Variants in TET1 observed in about 807,000 individuals in gnomAD.
TET1 encodes the protein tet methylcytosine dioxygenase 1.
A neutral mutation model predicts 148.7 loss-of-function variants in TET1; 13 were observed. The ratio of observed to expected loss-of-function variants is 0.09; its 90% CI spans 0.06 to 0.14. The LOEUF (loss-of-function observed/expected upper bound fraction) is 0.14. TET1 is among the 10% of genes least tolerant of loss of function. The pLI is 1.00. For synonymous variants in TET1, 907 were observed against 937.2 expected (o/e 0.97, Z 0.59); for missense variants, 2,182 against 2,553.8 (o/e 0.85, Z 3.14).
At chr10:68,588,837 G>C (rs1806240206) in intron 2 of TET1, among the ~76,000 whole-genome samples, 1 of 143,610 alleles carries the variant, frequency 7.0e-6, no homozygotes, top group African/African-American at 2.6e-5. Context: ...AAAAAAAAAT[G>C]TTGGCTGGGT....
At chr10:68,652,690 A>G in intron 6 of TET1, 96 bp downstream of exon 6, 1 of 843,862 alleles carries the variant, frequency 1.2e-6, no homozygotes, top group Non-Finnish European at 1.8e-6. Flanking sequence ...TATTTTATTT[A>G]TTCATTTATT....
chr10:68,647,148 C>A, intron 4 of TET1, 143 bp downstream of exon 4: 2 of 940,244 alleles, frequency 2.1e-6, no homozygotes, highest in Non-Finnish European at 1.5e-6. Flanking sequence ...AAATCTATAA[C>A]CATTTTTCTG....
chr10:68,581,097 G>A (rs1031050689), intron 2 of TET1, among the ~76,000 whole-genome samples: 9 of 152,008 alleles, frequency 5.9e-5, no homozygotes, highest in Non-Finnish European at 1.3e-4. Flanking sequence ...CTAACTCCTC[G>A]GATAAGTGAA....
At chr10:68,588,509 T>A (rs1335788856) in intron 2 of TET1, among the ~76,000 whole-genome samples, 1 of 152,122 alleles carries the variant, frequency 6.6e-6, no homozygotes, top group Non-Finnish European at 1.5e-5. Flanking sequence ...ATCTCTGAGC[T>A]AAGGCAATGA....
Position 68,645,511 on chromosome 10 carries a change from A to G in TET1, c.2782A>G (p.Asn928Asp). The stretch of plus-strand genomic sequence containing the variant: ...AGAGCAGAGAACAGCCAGTTTGCTT[A>G]ATAGCTGCAAAGCTATCCTCTACAC... Reference protein sequence around the residue: ...ESEQRTASLLNSCKAILYTVR... With the variant: ...ESEQRTASLLDSCKAILYTVR... The change falls in exon 4 of 12, where the codon AAT (asparagine) becomes GAT (aspartate). Residue 928 changes from asparagine to aspartate, a missense_variant. Physicochemically the swap from Asn to Asp is conservative, Grantham distance 23. Coordinates refer to ENST00000373644, the MANE Select transcript of TET1 (RefSeq NM_030625.3). 6.2e-7 allele frequency: 1 copy of G among 1,614,114 alleles called. No individual in the cohort carries two copies. Among genetic ancestry groups the G allele is most frequent in the Non-Finnish European group, 8.5e-7 (1 of 1,180,050 alleles).
At chr10:68,649,268 T>C (rs2054895571) in intron 4 of TET1, among the ~76,000 whole-genome samples, 1 of 152,198 alleles carries the variant, frequency 6.6e-6, no homozygotes, top group South Asian at 2.1e-4. Flanking sequence ...GAACCTATCC[T>C]TATAACGAAC....
At chr10:68,652,080 G>A in intron 5 of TET1, 144 bp downstream of exon 5, 2 of 739,682 alleles carry the variant, frequency 2.7e-6, no homozygotes, top group Non-Finnish European at 4.3e-6. Flanking sequence ...ACAAAAGAGG[G>A]GTGTCCTCGT....
At chr10:68,566,494 T>A (rs2053608926) in intron 1 of TET1, among the ~76,000 whole-genome samples, 1 of 152,124 alleles carries the variant, frequency 6.6e-6, no homozygotes, top group Non-Finnish European at 1.5e-5. Context: ...AAACTTTTTT[T>A]TTTTTTTGGA....
chr10:68,628,041 A>G (rs1639708944), intron 3 of TET1, among the ~76,000 whole-genome samples: 1 of 152,002 alleles, frequency 6.6e-6, no homozygotes, highest in African/African-American at 2.4e-5. Flanking sequence ...TCTGTTGCTC[A>G]GGCTGGAGTG....
At chr10:68,625,114 T>G (rs2054459163) in intron 3 of TET1, among the ~76,000 whole-genome samples, 1 of 152,188 alleles carries the variant, frequency 6.6e-6, no homozygotes, top group African/African-American at 2.4e-5. Flanking sequence ...TGGTCTCATT[T>G]ATTATTGGCC....
intron 3 of TET1, among the ~76,000 whole-genome samples, chr10:68,640,766 T>C (rs992586049): frequency 6.6e-6 from 1 of 151,400 alleles, no homozygotes; most frequent in African/African-American, 2.4e-5. Context: ...TTAGCCAGGA[T>C]GGTCTCTATC....
At chr10:68,596,000 A>AGG (rs2132856357) in intron 2 of TET1, among the ~76,000 whole-genome samples, 2 of 93,428 alleles carry the variant, frequency 2.1e-5, no homozygotes, top group South Asian at 8.2e-4. Context: ...ACACACACAC[A>AGG]CACACACACA....
chr10:68,667,813 A>C (rs1054104107), intron 7 of TET1, among the ~76,000 whole-genome samples: 1 of 152,082 alleles, frequency 6.6e-6, no homozygotes, highest in Non-Finnish European at 1.5e-5. Context: ...ATGAAAGAAT[A>C]TTGCTGACCC....
intron 6 of TET1, among the ~76,000 whole-genome samples, chr10:68,653,934 C>G (rs942856990): frequency 1.3e-5 from 2 of 151,716 alleles, no homozygotes; most frequent in African/African-American, 4.8e-5. Context: ...TGGTGAAACC[C>G]CGTCTCTACT....
chr10:68,675,983 G>A (rs1473533398), intron 8 of TET1, among the ~76,000 whole-genome samples: 6 of 151,824 alleles, frequency 4.0e-5, no homozygotes, highest in Non-Finnish European at 8.8e-5. Flanking sequence ...AGCCTCCTGA[G>A]TAGTTGGGAT....
intron 1 of TET1, among the ~76,000 whole-genome samples, chr10:68,568,647 C>T (rs1005748832): frequency 6.6e-6 from 1 of 152,110 alleles, no homozygotes; most frequent in Non-Finnish European, 1.5e-5. Flanking sequence ...TGAAAAGACC[C>T]GGGTCAAAAC....
chr10:68,569,347 TG>T (rs2053642108), intron 1 of TET1, among the ~76,000 whole-genome samples: 1 of 151,876 alleles, frequency 6.6e-6, no homozygotes, highest in South Asian at 2.1e-4. Context: ...TAATATTTTT[TG>T]TATTTTTAGT....
chr10:68,641,135 G>A (rs919259835), intron 3 of TET1, among the ~76,000 whole-genome samples: 2 of 151,176 alleles, frequency 1.3e-5, no homozygotes, highest in Non-Finnish European at 2.9e-5. Flanking sequence ...AGAAAAGTTC[G>A]CCGAACCTTG....
Position 68,663,968 on chromosome 10 carries a change from T to A in TET1, c.4462-3077T>A, listed in dbSNP as rs1350170474. On this transcript the variant is annotated intron_variant, in intron 6 of 11. Transcript: ENST00000373644. ...TCTTGGAAATTTAACAGTATCTTTATCACAACACTCTCTTCTCTCCACCAA... is the reference window on the plus strand; with the variant it reads ...TCTTGGAAATTTAACAGTATCTTTAACACAACACTCTCTTCTCTCCACCAA... Among the ~76,000 whole-genome samples, 11 of 152,208 alleles carry A rather than the reference T, an allele frequency of 7.2e-5. No individual in the cohort carries two copies. The East Asian group carries it at 1.5e-3, about 21-fold the overall frequency.
Sources: gnomAD v4.1 joint callset for allele counts (sites outside exome capture counted in the v4.1 genomes callset) on GRCh38, gnomAD v4.1.1 for gene constraint, MANE v1.5 for transcripts, NCBI Gene and HGNC (gene_info 2026-07-23, HGNC 2026-07-21) for gene names.